The following PVT1 variants were observed in gnomAD, a reference collection of about 807,000 sequenced individuals.
PVT1 encodes Pvt1 oncogene.
intron 2 of PVT1, among the ~76,000 whole-genome samples, chr8:127,809,766 A>G (rs536148633): frequency 2.6e-5 from 4 of 152,292 alleles, no homozygotes; most frequent in Admixed American, 2.0e-4. Context: ...TCCGGCATTT[A>G]TTGTGACTGA....
intron 4 of PVT1, among the ~76,000 whole-genome samples, chr8:128,026,611 A>G (rs1440439003): frequency 6.6e-6 from 1 of 152,136 alleles, no homozygotes; most frequent in Non-Finnish European, 1.5e-5. Context: ...GACCGAGATC[A>G]GCTGCACCAG....
chr8:127,929,515 A>T (rs1349277117), intron 3 of PVT1, among the ~76,000 whole-genome samples: 2 of 152,158 alleles, frequency 1.3e-5, no homozygotes, highest in Admixed American at 1.3e-4. Flanking sequence ...AAAAGAAAAT[A>T]AAACACTTTG....
chr8:127,998,535 TTCTCTCTCTCTCTC>T lies in PVT1; in HGVS notation n.912+9254_912+9267del, dbSNP rs34462486. On this transcript the variant is annotated intron_variant and non_coding_transcript_variant, in intron 4 of 10. Transcript: ENST00000651587. ...TTCTTCCTTTTCTTTCCTTCTTTCT[TTCTCTCTCTCTCTC>T]TCTCTCTCTTCCTTCCTTCCCTTCC... 2.2e-3 allele frequency among the ~76,000 whole-genome samples: 310 copies of T among 143,568 alleles called. 1 individual carries two copies. Among genetic ancestry groups the T allele is most frequent in the African/African-American group, 7.4e-3 (285 of 38,456 alleles). The allele number at this position is 143,568 out of a possible 152,430, so 94.2% of individuals were successfully genotyped here.
At chr8:127,819,516 G>T (rs1321884892) in intron 2 of PVT1, among the ~76,000 whole-genome samples, 2 of 152,198 alleles carry the variant, frequency 1.3e-5, no homozygotes, top group Admixed American at 6.5e-5. Flanking sequence ...CCAGTAGCAG[G>T]GCACGCTGGG....
Position 127,812,564 on chromosome 8 carries a change from A to G in PVT1, n.372+16493A>G, listed in dbSNP as rs555480537. On this transcript the variant is annotated intron_variant and non_coding_transcript_variant, in intron 2 of 10. Transcript: ENST00000651587. ...CACAGAACAAGACCTTGTCAAAAAA[A>G]GAAAAGAAAGAAAAGGAGAGAGGGA... 9.9e-5 allele frequency among the ~76,000 whole-genome samples: 15 copies of G among 150,872 alleles called. No individual in the cohort carries two copies. The East Asian group carries it at 3.0e-3, about 30-fold the overall frequency.
chr8:127,923,698 C>T (rs1031915747), intron 3 of PVT1, among the ~76,000 whole-genome samples: 1 of 152,130 alleles, frequency 6.6e-6, no homozygotes, highest in Non-Finnish European at 1.5e-5. Flanking sequence ...TCTTGTTCCA[C>T]GGGAGCTGGG....
chr8:127,958,513 A>G (rs1188031286), intron 3 of PVT1, among the ~76,000 whole-genome samples: 5 of 152,236 alleles, frequency 3.3e-5, no homozygotes, highest in Non-Finnish European at 7.3e-5. Flanking sequence ...TGCTGGGATT[A>G]CAGGCATGAG....
At chr8:127,803,011 TG>T (rs1814482638) in intron 2 of PVT1, 1 of 150,428 alleles carries the variant, frequency 6.6e-6, no homozygotes, top group African/African-American at 2.5e-5. Context: ...TCCACTAAGG[TG>T]GCTGGTGGTG....
intron 2 of PVT1, among the ~76,000 whole-genome samples, chr8:127,876,901 T>C (rs1815411613): frequency 6.6e-6 from 1 of 152,238 alleles, no homozygotes; most frequent in Non-Finnish European, 1.5e-5. Context: ...CAAAGTTTAC[T>C]TAGCGAGATG....
chr8:127,910,912 TGAGAGA>T (rs59712883), intron 3 of PVT1, among the ~76,000 whole-genome samples: 1 of 148,820 alleles, frequency 6.7e-6, no homozygotes, highest in Non-Finnish European at 1.5e-5. Context: ...TGTGTGTGTG[TGAGAGA>T]GAGAGAGAGA....
chr8:127,832,262 C>T (rs148040402), intron 2 of PVT1, among the ~76,000 whole-genome samples: 22 of 152,266 alleles, frequency 1.4e-4, no homozygotes, highest in Non-Finnish European at 2.2e-4. Context: ...TATATTCCCA[C>T]GCAGAGATAG....
At chr8:127,912,783 A>C (rs1586432934) in intron 3 of PVT1, among the ~76,000 whole-genome samples, 1 of 146,254 alleles carries the variant, frequency 6.8e-6, no homozygotes, top group African/African-American at 2.6e-5. Context: ...TGCAACCTCC[A>C]CCTCCCGGGT....
intron 2 of PVT1, among the ~76,000 whole-genome samples, chr8:127,829,265 G>C (rs938096119): frequency 6.6e-6 from 1 of 152,124 alleles, no homozygotes; most frequent in South Asian, 2.1e-4. Context: ...CAATAAGAGT[G>C]AGACTCCATC....
At chr8:128,008,032 A>G (rs1817268079) in intron 4 of PVT1, among the ~76,000 whole-genome samples, 1 of 152,248 alleles carries the variant, frequency 6.6e-6, no homozygotes, top group Admixed American at 6.5e-5. Flanking sequence ...GAAATTTATT[A>G]CTAAGATTGT....
At chr8:127,915,080 C>T (rs1354394800) in intron 3 of PVT1, among the ~76,000 whole-genome samples, 1 of 151,948 alleles carries the variant, frequency 6.6e-6, no homozygotes, top group Non-Finnish European at 1.5e-5. Flanking sequence ...CCACCTCGGC[C>T]TCCCAAAGTG....
intron 5 of PVT1, among the ~76,000 whole-genome samples, chr8:128,095,439 A>G (rs1209526832): frequency 2.6e-5 from 4 of 152,214 alleles, no homozygotes; most frequent in Non-Finnish European, 4.4e-5. Context: ...AAAGGTGATT[A>G]AAAGATGTAG....
chr8:127,982,850 A>G (rs560203004), intron 3 of PVT1, among the ~76,000 whole-genome samples: 29 of 152,284 alleles, frequency 1.9e-4, no homozygotes, highest in Non-Finnish European at 3.4e-4. Flanking sequence ...CAGTTGTTGC[A>G]GGTTTCTTGC....
chr8:128,077,102 C>T (rs1259766618), intron 5 of PVT1, among the ~76,000 whole-genome samples: 1 of 152,160 alleles, frequency 6.6e-6, no homozygotes, highest in East Asian at 1.9e-4. Flanking sequence ...AGTTATGGCT[C>T]CCTGCTGGGT....
chr8:127,968,478 T>C (rs1301487961), intron 3 of PVT1, among the ~76,000 whole-genome samples: 1 of 152,074 alleles, frequency 6.6e-6, no homozygotes, highest in Non-Finnish European at 1.5e-5. Flanking sequence ...CTCTTGGAGA[T>C]GAGGTCAGCA....
Sources: gnomAD v4.1 joint callset for allele counts (sites outside exome capture counted in the v4.1 genomes callset) on GRCh38, gnomAD v4.1.1 for gene constraint, MANE v1.5 for transcripts, NCBI Gene and HGNC (gene_info 2026-07-23, HGNC 2026-07-21) for gene names.